The following IRGM variants were observed in gnomAD, a reference collection of about 807,000 sequenced individuals.
IRGM encodes immunity-related GTPase family M protein.
For synonymous variants in IRGM, 98 were observed against 80.6 expected (o/e 1.22, Z -1.16); for missense variants, 288 against 219.9 (o/e 1.31, Z -1.96).
At chr5:150,874,374 G>A (rs1393832359) in intron 1 of IRGM, among the ~76,000 whole-genome samples, 1 of 152,162 alleles carries the variant, frequency 6.6e-6, no homozygotes, top group Non-Finnish European at 1.5e-5. Context: ...GCCAGAGGAT[G>A]GGAAATGAAT....
chr5:150,853,243 G>GT (rs1444620643), downstream of IRGM, among the ~76,000 whole-genome samples: 1 of 152,054 alleles, frequency 6.6e-6, no homozygotes, highest in Admixed American at 6.5e-5. Context: ...GAATTTTCCA[G>GT]TTTTTCTTCT....
At chr5:150,892,709 G>A (rs1754630479) in intron 3 of IRGM, among the ~76,000 whole-genome samples, 2 of 151,998 alleles carry the variant, frequency 1.3e-5, no homozygotes, top group South Asian at 4.1e-4. Flanking sequence ...TGAGGAGGCT[G>A]CCCTTTATTC....
At chr5:150,883,257 A>G (rs1754471296) in intron 3 of IRGM, among the ~76,000 whole-genome samples, 1 of 152,074 alleles carries the variant, frequency 6.6e-6, no homozygotes, top group Non-Finnish European at 1.5e-5. Flanking sequence ...CTAATGAAAA[A>G]GCAGTTCTAA....
At chr5:150,866,554 TA>T (rs764668671) in intron 1 of IRGM, among the ~76,000 whole-genome samples, 1 of 152,134 alleles carries the variant, frequency 6.6e-6, no homozygotes, top group Non-Finnish European at 1.5e-5. Flanking sequence ...TAATGTTACA[TA>T]AAGAAACTTC....
intron 3 of IRGM, among the ~76,000 whole-genome samples, chr5:150,893,586 T>TA (rs1754654498): frequency 6.6e-6 from 1 of 152,042 alleles, no homozygotes; most frequent in South Asian, 2.1e-4. Context: ...ATGCACAGAT[T>TA]AAAAAATATA....
At chr5:150,857,355 A>C (rs1462841642) in intron 1 of IRGM, among the ~76,000 whole-genome samples, 1 of 152,138 alleles carries the variant, frequency 6.6e-6, no homozygotes, top group Non-Finnish European at 1.5e-5. Flanking sequence ...GGTTGGTTCC[A>C]AGTCTTTGCT....
At chr5:150,878,213 G>A in intron 2 of IRGM, 1 of 369,454 alleles carries the variant, frequency 2.7e-6, no homozygotes. Context: ...TCCTAACTTT[G>A]TGAGGCTAGA....
chr5:150,897,846 C>T, intron 3 of IRGM: 1 of 476,508 alleles, frequency 2.1e-6, no homozygotes, highest in Admixed American at 3.9e-5. Context: ...CCTTTAAAAC[C>T]CTTTCAGGAA....
intron 1 of IRGM, among the ~76,000 whole-genome samples, chr5:150,859,239 G>T (rs919051319): frequency 7.2e-5 from 11 of 152,318 alleles, no homozygotes; most frequent in East Asian, 5.8e-4. Context: ...TTATTGATTT[G>T]TGTATGTTGA....
chr5:150,890,114 G>T (rs1038130913), intron 3 of IRGM, among the ~76,000 whole-genome samples: 5 of 151,900 alleles, frequency 3.3e-5, no homozygotes, highest in Non-Finnish European at 7.4e-5. Flanking sequence ...AATATTGTTT[G>T]GTTTGAGACA....
intron 1 of IRGM, among the ~76,000 whole-genome samples, chr5:150,855,056 T>C (rs759406213): frequency 2.6e-5 from 4 of 152,184 alleles, no homozygotes; most frequent in Non-Finnish European, 4.4e-5. Context: ...TTTCTATGAA[T>C]GAACAAAGGT....
chr5:150,892,904 T>A (rs1040839175), intron 3 of IRGM, among the ~76,000 whole-genome samples: 1 of 151,972 alleles, frequency 6.6e-6, no homozygotes, highest in Admixed American at 6.6e-5. Context: ...GCCACAATTT[T>A]CTTGTTTTGT....
intron 3 of IRGM, among the ~76,000 whole-genome samples, chr5:150,890,727 G>T (rs1158711354): frequency 1.3e-5 from 2 of 151,908 alleles, no homozygotes; most frequent in East Asian, 3.9e-4. Context: ...GGGTTATTTA[G>T]AAATGTGTTA....
At chr5:150,895,568 G>C (rs1370530283) in intron 3 of IRGM, 3 of 1,613,426 alleles carry the variant, frequency 1.9e-6, no homozygotes, top group African/African-American at 2.7e-5. Context: ...TCTGAGAAAA[G>C]GCCTTTCCAC....
intron 3 of IRGM, among the ~76,000 whole-genome samples, chr5:150,883,227 A>C (rs1754470688): frequency 6.6e-6 from 1 of 152,064 alleles, no homozygotes. Context: ...TTCTTTTTCT[A>C]AATAATACTC....
rs1055003283 is a variant in IRGM, at chr5:150,846,724, G to A, written c.-912G>A. ...ACGAACAACTCCAGACTCGCCGCCTGAAGAGCTGTAACTCTCACTTCGAAG... is the reference window on the plus strand; with the variant it reads ...ACGAACAACTCCAGACTCGCCGCCTAAAGAGCTGTAACTCTCACTTCGAAG... On this transcript the variant is annotated 5_prime_UTR_variant, in exon 1 of 2. Transcript: ENST00000522154. The A allele has an allele frequency of 4.6e-5, 7 of 152,466 alleles. No individual in the cohort carries two copies. The highest frequency in any genetic ancestry group is 1.7e-4 in the African/African-American group (7 of 41,384). The allele number at this position is 152,466 out of a possible 1,614,324, so 9.4% of individuals were successfully genotyped here. A position where few individuals can be genotyped will look rare whatever the true frequency, so the allele number is the denominator to read the frequency against.
intron 1 of IRGM, among the ~76,000 whole-genome samples, chr5:150,873,965 A>T (rs1247198627): frequency 6.6e-6 from 1 of 152,260 alleles, no homozygotes; most frequent in South Asian, 2.1e-4. Context: ...AAGAGGACAG[A>T]TGGATCTTGG....
intron 3 of IRGM, chr5:150,898,305 A>G (rs1754870344): frequency 3.2e-6 from 5 of 1,584,664 alleles, no homozygotes; most frequent in Non-Finnish European, 4.3e-6. Context: ...CATAACCTCC[A>G]TTTGCAAAGG....
At chr5:150,889,941 C>T (rs1273239788) in intron 3 of IRGM, among the ~76,000 whole-genome samples, 1 of 151,976 alleles carries the variant, frequency 6.6e-6, no homozygotes, top group Non-Finnish European at 1.5e-5. Flanking sequence ...TAGACTTTTG[C>T]ATCAATAGTT....
Sources: allele counts gnomAD v4.1 joint callset (sites outside exome capture counted in the v4.1 genomes callset), GRCh38; gene constraint gnomAD v4.1.1; transcripts MANE v1.5; gene names NCBI Gene and HGNC (gene_info 2026-07-23, HGNC 2026-07-21).